ARHGAP24: variants seen among roughly 807,000 people sequenced by gnomAD.
ARHGAP24 encodes Rho GTPase activating protein 24, also known as rho GTPase-activating protein 24.
ARHGAP24 carries 50 observed loss-of-function variants against 76.4 expected under a neutral mutation model. The observed-to-expected ratio is 0.65, with a 90% confidence interval of 0.52 to 0.83. The LOEUF (loss-of-function observed/expected upper bound fraction) is 0.83. Ranked by LOEUF, ARHGAP24 falls within the 40% of genes least tolerant of loss-of-function variation. The pLI is 0.00. For synonymous variants in ARHGAP24, 345 were observed against 323.3 expected, an observed-to-expected ratio of 1.07 and a Z score of -0.72; for missense variants, 930 against 914.2, an observed-to-expected ratio of 1.02 and a Z score of -0.22.
At chr4:85,832,850 G>C (rs1730063495) in intron 3 of ARHGAP24, among the ~76,000 whole-genome samples, 1 of 152,134 alleles carries the variant, frequency 6.6e-6, no homozygotes, top group Non-Finnish European at 1.5e-5. Context: ...AGTTGTCATG[G>C]GCAGGGGTAG....
intron 1 of ARHGAP24, among the ~76,000 whole-genome samples, chr4:85,568,954 A>G (rs1726963318): frequency 6.6e-6 from 1 of 152,254 alleles, no homozygotes; most frequent in Admixed American, 6.5e-5. Flanking sequence ...AATTAGAACG[A>G]AAGTTCTGCT....
intron 4 of ARHGAP24, among the ~76,000 whole-genome samples, chr4:85,925,679 T>C (rs1016734085): frequency 1.3e-5 from 2 of 152,184 alleles, no homozygotes; most frequent in African/African-American, 4.8e-5. Flanking sequence ...TACTTTATCA[T>C]AGTTATGTAT....
Position 85,475,430 on chromosome 4 carries a change from C to T in ARHGAP24, c.-150C>T, listed in dbSNP as rs1332800881. The T allele has an allele frequency of 1.3e-5, 2 of 152,678 alleles. No homozygotes were observed. Among genetic ancestry groups the T allele is most frequent in the East Asian group, 3.9e-4 (2 of 5,186 alleles). The allele number at this position is 152,678 out of a possible 1,614,324, so 9.5% of individuals were successfully genotyped here. A position where few individuals can be genotyped will look rare whatever the true frequency, so the allele number is the denominator to read the frequency against. On this transcript the variant is annotated 5_prime_UTR_variant, in exon 1 of 10. Coordinates refer to ENST00000395184, the MANE Select transcript of ARHGAP24 (RefSeq NM_001025616.3). The stretch of plus-strand genomic sequence containing the variant: ...CCCAGTGCATAGAGTTCAACACTTC[C>T]CCTTGTTGTGGAAAGTAAAGGAGCC...
At chr4:85,646,783 G>C (rs1328258336) in intron 2 of ARHGAP24, among the ~76,000 whole-genome samples, 1 of 152,100 alleles carries the variant, frequency 6.6e-6, no homozygotes, top group Non-Finnish European at 1.5e-5. Context: ...TCAGAGGCTA[G>C]TTGGGAAATT....
chr4:85,898,360 G>A (rs953606294), intron 3 of ARHGAP24, among the ~76,000 whole-genome samples: 4 of 152,022 alleles, frequency 2.6e-5, no homozygotes, highest in African/African-American at 7.2e-5. Flanking sequence ...CTCCCTTAGC[G>A]TAGATCACTA....
chr4:85,705,556 T>C (rs1269125230), intron 2 of ARHGAP24, among the ~76,000 whole-genome samples: 1 of 152,206 alleles, frequency 6.6e-6, no homozygotes, highest in Non-Finnish European at 1.5e-5. Flanking sequence ...TAGGGAAGGT[T>C]ATAGTCCAGC....
chr4:85,680,347 G>A (rs1723160434), intron 2 of ARHGAP24, among the ~76,000 whole-genome samples: 1 of 152,082 alleles, frequency 6.6e-6, no homozygotes, highest in Non-Finnish European at 1.5e-5. Context: ...CCTACCCAAT[G>A]CATAGTCAAC....
At chr4:85,744,312 C>T (rs1248796675) in intron 3 of ARHGAP24, among the ~76,000 whole-genome samples, 1 of 152,116 alleles carries the variant, frequency 6.6e-6, no homozygotes, top group Admixed American at 6.6e-5. Context: ...GCTTATGTTC[C>T]TTGGAATGGT....
chr4:85,872,307 T>C (rs1732578726), intron 3 of ARHGAP24, among the ~76,000 whole-genome samples: 1 of 152,010 alleles, frequency 6.6e-6, no homozygotes, highest in Non-Finnish European at 1.5e-5. Context: ...TTTATTTTTT[T>C]TTTAATGGAG....
At chr4:85,655,730 C>T (rs1373187812) in intron 2 of ARHGAP24, among the ~76,000 whole-genome samples, 1 of 146,382 alleles carries the variant, frequency 6.8e-6, no homozygotes, top group African/African-American at 2.6e-5. Flanking sequence ...CGAGTTTGCA[C>T]TACTACACTC....
chr4:85,594,433 C>G (rs916925340), intron 2 of ARHGAP24, among the ~76,000 whole-genome samples: 1 of 151,944 alleles, frequency 6.6e-6, no homozygotes, highest in African/African-American at 2.4e-5. Flanking sequence ...ATTTGGTCGC[C>G]CCTTATTTCT....
chr4:85,783,676 G>C (rs1009831537), intron 3 of ARHGAP24, among the ~76,000 whole-genome samples: 13 of 152,126 alleles, frequency 8.5e-5, no homozygotes, highest in Non-Finnish European at 4.4e-5. Flanking sequence ...AATCCCCAGG[G>C]AGTGGAAGGG....
At chr4:85,693,099 A>G (rs1723730642) in intron 2 of ARHGAP24, among the ~76,000 whole-genome samples, 1 of 152,168 alleles carries the variant, frequency 6.6e-6, no homozygotes, top group African/African-American at 2.4e-5. Flanking sequence ...TTGGACTGTG[A>G]TCCAGTAGAT....
intron 3 of ARHGAP24, among the ~76,000 whole-genome samples, chr4:85,796,722 C>T (rs762225748): frequency 6.6e-6 from 1 of 152,016 alleles, no homozygotes; most frequent in Non-Finnish European, 1.5e-5. Flanking sequence ...CTACTTCTGT[C>T]GGGGGGAATT....
intron 2 of ARHGAP24, among the ~76,000 whole-genome samples, chr4:85,574,741 A>G (rs903569883): frequency 5.3e-5 from 8 of 152,222 alleles, no homozygotes; most frequent in African/African-American, 1.7e-4. Flanking sequence ...GAGTTTCTCA[A>G]TTAGATTTTC....
At chr4:85,563,672 C>T (rs1344330578) in intron 1 of ARHGAP24, among the ~76,000 whole-genome samples, 2 of 152,160 alleles carry the variant, frequency 1.3e-5, no homozygotes, top group African/African-American at 4.8e-5. Flanking sequence ...CTTTGTGGGG[C>T]ACTAACTTCT....
chr4:85,751,034 G>T (rs540732098), intron 3 of ARHGAP24, among the ~76,000 whole-genome samples: 2 of 152,272 alleles, frequency 1.3e-5, no homozygotes, highest in Middle Eastern at 3.4e-3. Context: ...TTTTTCCTGA[G>T]TTACAGCCTT....
intron 2 of ARHGAP24, among the ~76,000 whole-genome samples, chr4:85,614,900 T>A (rs1328233612): frequency 6.6e-6 from 1 of 152,158 alleles, no homozygotes; most frequent in Non-Finnish European, 1.5e-5. Context: ...TATTTATTTA[T>A]AAATTGTCCT....
At chr4:85,709,333 C>T (rs36095037) in intron 2 of ARHGAP24, among the ~76,000 whole-genome samples, 47,314 of 151,934 alleles carry the variant, frequency 0.31, 8,391 homozygotes, top group African/African-American at 0.47. Flanking sequence ...TTATTAATAT[C>T]ATAACAGGTT....
Sources: allele counts gnomAD v4.1 joint callset (sites outside exome capture counted in the v4.1 genomes callset), GRCh38; gene constraint gnomAD v4.1.1; transcripts MANE v1.5; gene names NCBI Gene and HGNC (gene_info 2026-07-23, HGNC 2026-07-21).